The following RIC1 variants were observed in gnomAD, a reference collection of about 807,000 sequenced individuals.
RIC1 encodes the protein RIC1 partner of RAB6A GEF complex.
RIC1 carries 88 observed loss-of-function variants against 169.0 expected under a neutral mutation model. The observed-to-expected ratio is 0.52, with a 90% CI of 0.44 to 0.62. The LOEUF is 0.62. Among genes scored for constraint, RIC1 ranks in the 20% least tolerant of loss-of-function variants. The probability of loss-of-function intolerance (pLI) is 0.00; values close to 1 mark genes in which losing one functional copy is unlikely to be tolerated. For synonymous variants in RIC1, 790 were observed against 601.5 expected (o/e 1.31, Z -4.59); for missense variants, 1,877 against 1,725.5 (o/e 1.09, Z -1.56).
At chr9:5,712,862 G>A (rs905124145) in intron 3 of RIC1, 5 of 152,058 alleles carry the variant, frequency 3.3e-5, no homozygotes, top group African/African-American at 1.2e-4. Context: ...AGCTAGTTTA[G>A]TCATTTAGAC....
chr9:5,694,549 A>G (rs1012355237), intron 3 of RIC1, among the ~76,000 whole-genome samples: 4 of 152,170 alleles, frequency 2.6e-5, no homozygotes, highest in Admixed American at 6.5e-5. Context: ...AACTTTGCAT[A>G]TTACATGCAT....
At chr9:5,642,882 C>G (rs1818320129) in intron 1 of RIC1, among the ~76,000 whole-genome samples, 2 of 152,142 alleles carry the variant, frequency 1.3e-5, no homozygotes, top group South Asian at 4.1e-4. Context: ...CTCATACTAC[C>G]TATTCATTGT....
intron 2 of RIC1, among the ~76,000 whole-genome samples, chr9:5,680,030 A>C (rs1033763212): frequency 3.9e-5 from 6 of 152,094 alleles, no homozygotes; most frequent in South Asian, 2.1e-4. Context: ...TACCTAATTT[A>C]TTGAGAGTTT....
chr9:5,638,583 G>C (rs1040069867), intron 1 of RIC1, among the ~76,000 whole-genome samples: 1 of 152,024 alleles, frequency 6.6e-6, no homozygotes, highest in Non-Finnish European at 1.5e-5. Context: ...TATGTGCTAG[G>C]GATTTATCCA....
chr9:5,672,930 A>C (rs1020368059), intron 2 of RIC1, among the ~76,000 whole-genome samples: 1 of 152,186 alleles, frequency 6.6e-6, no homozygotes, highest in African/African-American at 2.4e-5. Flanking sequence ...TGAAAAAAGA[A>C]TCTCTAACAA....
At chr9:5,768,823 G>A in intron 21 of RIC1, 147 bp from the exon 22 acceptor site, 1 of 820,092 alleles carries the variant, frequency 1.2e-6, no homozygotes, top group South Asian at 1.9e-5. Context: ...CGGAGGAGAA[G>A]CGTTGATACT....
Position 5,765,417 on chromosome 9 carries a change from A to T in RIC1, c.2845A>T (p.Met949Leu), listed in dbSNP as rs1326478299. ...AASYLIILQN[M>L]EVPAVSRQHA... ...CTGTCCTGGTTGTTTTTTGTAGAAT[A>T]TGGAAGTCCCTGCAGTAAGTAGGCA... Residue 949 changes from methionine (M) to leucine (L), a missense_variant, in exon 20 of 26, where the codon ATG becomes TTG. This residue lies in a region of RIC1 where 681 missense variants were observed against 582.0 expected (regional missense o/e 1.17). Transcript: ENST00000414202. The T allele has an allele frequency of 1.2e-6, 2 of 1,612,342 alleles. No homozygotes were observed. The highest frequency in any genetic ancestry group is 1.7e-6 in the Non-Finnish European group (2 of 1,179,444).
chr9:5,735,023 G>T (rs1824614041), intron 7 of RIC1, among the ~76,000 whole-genome samples: 1 of 152,008 alleles, frequency 6.6e-6, no homozygotes, highest in African/African-American at 2.4e-5. Flanking sequence ...TTCTTCTATA[G>T]CTCCTTTGTT....
chr9:5,773,858 C>T (rs1405756470), intron 25 of RIC1, 100 bp from the exon 26 acceptor site: 9 of 1,129,064 alleles, frequency 8.0e-6, no homozygotes, highest in African/African-American at 1.6e-5. Flanking sequence ...AATCTATCGT[C>T]GTCTTTACCA....
rs751453591 is a variant in RIC1, at chr9:5,772,755, C to A, written c.3794+14C>A. ...GGTCCAGCTTCGGTGAGTTTCTTGG[C>A]TATTTGAAATCACAGAATGCCTACT... On this transcript the variant is annotated intron_variant, in intron 24 of 25. Coordinates refer to ENST00000414202, the MANE Select transcript of RIC1 (RefSeq NM_020829.4). 1.7e-5 allele frequency: 27 copies of A among 1,596,772 alleles called. 1 individual carries two copies. The Admixed American group carries it at 4.5e-4, about 27-fold the overall frequency.
intron 15 of RIC1, among the ~76,000 whole-genome samples, chr9:5,755,683 G>T (rs1244082270): frequency 1.3e-5 from 2 of 152,208 alleles, no homozygotes; most frequent in African/African-American, 4.8e-5. Context: ...AGCACTTTGG[G>T]AGGCTAAGGC....
downstream of RIC1, among the ~76,000 whole-genome samples, chr9:5,777,763 T>C (rs1827669115): frequency 6.6e-6 from 1 of 152,228 alleles, no homozygotes; most frequent in African/African-American, 2.4e-5. Context: ...TTTTTCCCAT[T>C]GTCAAAAATC....
At chr9:5,637,295 C>G (rs937785875) in intron 1 of RIC1, among the ~76,000 whole-genome samples, 3 of 152,000 alleles carry the variant, frequency 2.0e-5, no homozygotes, top group Non-Finnish European at 4.4e-5. Context: ...TCTTGAACTC[C>G]TGAGCTCAAG....
At chr9:5,739,145 G>A (rs1248801792) in intron 8 of RIC1, among the ~76,000 whole-genome samples, 2 of 152,104 alleles carry the variant, frequency 1.3e-5, no homozygotes, top group African/African-American at 4.8e-5. Context: ...CAGCTGGGAT[G>A]AGTAGGTCTA....
chr9:5,703,494 C>G (rs1293615417), intron 3 of RIC1, among the ~76,000 whole-genome samples: 1 of 152,202 alleles, frequency 6.6e-6, no homozygotes, highest in Non-Finnish European at 1.5e-5. Context: ...CTTCTGCTCT[C>G]AGCCCCTAGA....
At chr9:5,747,111 A>G (rs574488769) in intron 11 of RIC1, among the ~76,000 whole-genome samples, 191 bp from the exon 12 acceptor site, 5 of 152,318 alleles carry the variant, frequency 3.3e-5, no homozygotes, top group East Asian at 3.9e-4. Context: ...TAAGAGCACT[A>G]TTCTTTCTAA....
At chr9:5,722,416 G>A (rs1431229669) in intron 6 of RIC1, among the ~76,000 whole-genome samples, 1 of 150,560 alleles carries the variant, frequency 6.6e-6, no homozygotes, top group Non-Finnish European at 1.5e-5. Flanking sequence ...CTATAGGTAT[G>A]TATCACACGT....
intron 1 of RIC1, among the ~76,000 whole-genome samples, chr9:5,653,992 A>C (rs1388826046): frequency 2.0e-5 from 3 of 152,018 alleles, no homozygotes; most frequent in Non-Finnish European, 4.4e-5. Context: ...TTTTTTAAAA[A>C]TGCTTTTTAC....
chr9:5,667,133 T>C lies in RIC1; in HGVS notation c.252+10443T>C, dbSNP rs116550293. 3.7e-3 allele frequency among the ~76,000 whole-genome samples: 562 copies of C among 152,148 alleles called. 2 individuals carry two copies. The highest frequency in any genetic ancestry group is 0.013 in the African/African-American group (549 of 41,518). Reference sequence around the variant, plus strand: ...TGAGGCAGGGAGTTACAGGGGAGCCTGGGGGACATAGCATAATGCCATCGC... The same window carrying C: ...TGAGGCAGGGAGTTACAGGGGAGCCCGGGGGACATAGCATAATGCCATCGC... On this transcript the variant is annotated intron_variant, in intron 2 of 25. Coordinates refer to ENST00000414202, the MANE Select transcript of RIC1 (RefSeq NM_020829.4).
Sources: gnomAD v4.1 joint callset for allele counts (sites outside exome capture counted in the v4.1 genomes callset) on GRCh38, gnomAD v4.1.1 for gene constraint, gnomAD v4.1.1 regional missense constraint, MANE v1.5 for transcripts, NCBI Gene and HGNC (gene_info 2026-07-23, HGNC 2026-07-21) for gene names.